Variants in CACNA2D1 observed in about 807,000 individuals in gnomAD.
The protein encoded by CACNA2D1 is voltage-dependent calcium channel subunit alpha-2/delta-1.
In CACNA2D1, 53 loss-of-function variants were observed where a neutral mutation model predicts 171.5. The observed-to-expected ratio is 0.31, with a 90% CI of 0.25 to 0.39. The LOEUF (loss-of-function observed/expected upper bound fraction) is 0.39. Ranked by LOEUF, CACNA2D1 falls within the 10% of genes least tolerant of loss-of-function variation. The pLI is 1.00. For synonymous variants in CACNA2D1, 442 were observed against 443.1 expected (o/e 1.00, Z 0.03); for missense variants, 903 against 1,299.8 (o/e 0.69, Z 4.69).
intron 3 of CACNA2D1, among the ~76,000 whole-genome samples, chr7:82,211,498 T>C (rs965073337): frequency 2.0e-5 from 3 of 152,228 alleles, no homozygotes; most frequent in Non-Finnish European, 4.4e-5. Context: ...CTTAGGATAA[T>C]GGCTGCCAGC....
intron 1 of CACNA2D1, among the ~76,000 whole-genome samples, chr7:82,413,575 C>A (rs939041219): frequency 1.3e-5 from 2 of 152,200 alleles, no homozygotes; most frequent in African/African-American, 2.4e-5. Flanking sequence ...TGAGATATTA[C>A]CATTCTTTCC....
Position 82,334,353 on chromosome 7 carries a change from A to G in CACNA2D1, c.294+782T>C, listed in dbSNP as rs773606185. Among the ~76,000 whole-genome samples the G allele has an allele frequency of 6.6e-5, 10 of 152,324 alleles. No homozygotes were observed. The South Asian group carries it at 1.0e-3, about 16-fold the overall frequency. ...ATTGACCCTACAGATATTCTTACAC[A>G]TAAGTACTAGGAGACTTGTTCAAGA... On this transcript the variant is annotated intron_variant, in intron 3 of 38. Transcript: ENST00000356860.
At chr7:82,247,337 C>T (rs1156953195) in intron 3 of CACNA2D1, among the ~76,000 whole-genome samples, 4 of 151,892 alleles carry the variant, frequency 2.6e-5, no homozygotes, top group Admixed American at 2.6e-4. Flanking sequence ...TGGCAAAACC[C>T]TGTCTCTACA....
At chr7:82,308,989 T>G (rs1238528322) in intron 3 of CACNA2D1, among the ~76,000 whole-genome samples, 1 of 152,214 alleles carries the variant, frequency 6.6e-6, no homozygotes, top group Non-Finnish European at 1.5e-5. Context: ...CAAATGAGAA[T>G]TTCAATGAAA....
At chr7:82,170,676 C>T (rs1046947332) in intron 3 of CACNA2D1, 67 bp from the exon 4 acceptor site, 4 of 1,376,750 alleles carry the variant, frequency 2.9e-6, no homozygotes, top group Non-Finnish European at 4.1e-6. Flanking sequence ...ATATAAAATG[C>T]TTGCGCTTTC....
intron 6 of CACNA2D1, among the ~76,000 whole-genome samples, chr7:82,088,538 G>A (rs1810752479): frequency 6.6e-6 from 1 of 151,964 alleles, no homozygotes. Flanking sequence ...ATTATTTTAT[G>A]TCATAATCTT....
chr7:82,335,153 G>A lies in CACNA2D1; in HGVS notation c.276C>T (p.Asn92=). ...AARDIEKLLS[N]RSKALVRLAL... is the part of the protein sequence containing the mutation. ...AACTCACCACCAGGGCTTTAGATCT[G>A]TTGCTCAGAAGTTTCTCAATATCCC... Residue 92 remains asparagine (N), a synonymous_variant, in exon 3 of 39, where the codon AAC becomes AAT. Coordinates refer to ENST00000356860, the MANE Select transcript of CACNA2D1 (RefSeq NM_000722.4). 2 of 1,606,942 alleles carry A rather than the reference G, an allele frequency of 1.2e-6. No individual in the cohort carries two copies. Among genetic ancestry groups the A allele is most frequent in the Non-Finnish European group, 1.7e-6 (2 of 1,173,684 alleles).
chr7:82,132,432 T>A (rs1791101029), intron 5 of CACNA2D1, among the ~76,000 whole-genome samples: 1 of 152,210 alleles, frequency 6.6e-6, no homozygotes, highest in Non-Finnish European at 1.5e-5. Context: ...GTACTCCATA[T>A]CCTCTTGCAA....
chr7:82,215,632 T>TA (rs1801023199), intron 3 of CACNA2D1, among the ~76,000 whole-genome samples: 1 of 152,154 alleles, frequency 6.6e-6, no homozygotes, highest in African/African-American at 2.4e-5. Flanking sequence ...TTTTTCCTGT[T>TA]ACACTTTATT....
Position 82,084,860 on chromosome 7 carries a change from T to C in CACNA2D1, c.567A>G (p.Leu189=). ...VLNELNWTSA[L]DEVFKKNREE... ...CGCGATTCTTTTTGAAAACTTCATC[T>C]AAGGCACTTGTCCAGTTGAGTTCAT... Residue 189 remains leucine, a synonymous_variant, in exon 7 of 39, where the codon TTA becomes TTG. Transcript: ENST00000356860. The C allele has an allele frequency of 1.2e-6, 2 of 1,613,812 alleles. No individual in the cohort carries two copies. The highest frequency in any genetic ancestry group is 1.7e-6 in the Non-Finnish European group (2 of 1,179,690).
chr7:82,293,264 C>T (rs939589408), intron 3 of CACNA2D1, among the ~76,000 whole-genome samples: 8 of 151,794 alleles, frequency 5.3e-5, no homozygotes, highest in Non-Finnish European at 7.4e-5. Flanking sequence ...TGCATTGTCT[C>T]GGTTGCCTCT....
intron 1 of CACNA2D1, among the ~76,000 whole-genome samples, chr7:82,363,775 C>T (rs747510985): frequency 6.6e-6 from 1 of 152,198 alleles, no homozygotes; most frequent in Admixed American, 6.5e-5. Context: ...CAGCACTAGA[C>T]ATACTAAATT....
intron 1 of CACNA2D1, among the ~76,000 whole-genome samples, chr7:82,430,282 G>A (rs1829562312): frequency 6.6e-6 from 1 of 151,960 alleles, no homozygotes. Context: ...GCCAGGCATG[G>A]TGGTTGGCAC....
chr7:82,084,921 CATTA>C (rs1303438349), intron 6 of CACNA2D1, 21 bp from the exon 7 acceptor site: 2 of 1,591,442 alleles, frequency 1.3e-6, no homozygotes, highest in East Asian at 2.2e-5. Flanking sequence ...AGAGAGAAAC[CATTA>C]ATTAATTCAA....
intron 4 of CACNA2D1, among the ~76,000 whole-genome samples, chr7:82,145,343 T>C (rs1026763288): frequency 6.9e-6 from 1 of 144,818 alleles, no homozygotes. Context: ...ATATAATATA[T>C]AATTTATATA....
intron 3 of CACNA2D1, among the ~76,000 whole-genome samples, chr7:82,221,688 G>A (rs1319668496): frequency 6.6e-6 from 1 of 150,760 alleles, no homozygotes. Flanking sequence ...AGGTTGCAGT[G>A]AGCCAAGATC....
At chr7:82,394,170 G>A (rs950258923) in intron 1 of CACNA2D1, among the ~76,000 whole-genome samples, 1 of 151,922 alleles carries the variant, frequency 6.6e-6, no homozygotes, top group Non-Finnish European at 1.5e-5. Flanking sequence ...GGTCAAGGAG[G>A]GCTCCAAAAG....
At chr7:82,254,654 T>G (rs1214501175) in intron 3 of CACNA2D1, among the ~76,000 whole-genome samples, 1 of 152,200 alleles carries the variant, frequency 6.6e-6, no homozygotes, top group Non-Finnish European at 1.5e-5. Context: ...GGCCTTTCTT[T>G]GCCTAAATAA....
intron 3 of CACNA2D1, among the ~76,000 whole-genome samples, chr7:82,278,586 A>G (rs980000668): frequency 6.8e-6 from 1 of 146,784 alleles, no homozygotes; most frequent in Non-Finnish European, 1.5e-5. Context: ...AAAAAATTAC[A>G]TATCTTCCTG....
Sources: allele counts gnomAD v4.1 joint callset (sites outside exome capture counted in the v4.1 genomes callset), GRCh38; gene constraint gnomAD v4.1.1; transcripts MANE v1.5; gene names NCBI Gene and HGNC (gene_info 2026-07-23, HGNC 2026-07-21).